The following TENM3 variants were observed in gnomAD, a reference collection of about 807,000 sequenced individuals.
TENM3 encodes teneurin transmembrane protein 3.
A neutral mutation model predicts 255.1 loss-of-function variants in TENM3; 63 were observed. The ratio of observed to expected loss-of-function variants is 0.25; its 90% CI spans 0.20 to 0.30. The LOEUF (loss-of-function observed/expected upper bound fraction) is 0.30, where lower values mean the gene tolerates loss of function less well. Among genes scored for constraint, TENM3 ranks in the 10% least tolerant of loss-of-function variants. The pLI is 1.00. For synonymous variants in TENM3, 1,306 were observed against 1,322.3 expected (o/e 0.99, Z 0.27); for missense variants, 2,929 against 3,461.1 (o/e 0.85, Z 3.86).
intron 12 of TENM3, among the ~76,000 whole-genome samples, chr4:182,707,116 TTAG>T (rs1377001054): frequency 6.6e-6 from 1 of 152,168 alleles, no homozygotes; most frequent in Non-Finnish European, 1.5e-5. Context: ...ATGGCATCTG[TTAG>T]TAGAAGTGAA....
the TENM3 span, chr4:181,975,164 G>A: frequency 1.4e-5 from 2 of 147,998 alleles, no homozygotes; most frequent in Non-Finnish European, 3.0e-5. Context: ...TTGAAACAGG[G>A]TCTCACTCTG....
At chr4:182,327,819 C>G (rs1763508319) in intron 2 of TENM3, among the ~76,000 whole-genome samples, 1 of 152,136 alleles carries the variant, frequency 6.6e-6, no homozygotes, top group African/African-American at 2.4e-5. Flanking sequence ...AAATTTATCC[C>G]ATCAGGTCTC....
intron 3 of TENM3, among the ~76,000 whole-genome samples, chr4:182,354,455 AGTGT>A (rs1765389931): frequency 6.6e-6 from 1 of 152,236 alleles, no homozygotes; most frequent in Non-Finnish European, 1.5e-5. Context: ...AGAAAAAATA[AGTGT>A]TAGAGCCATA....
chr4:182,140,654 C>A (rs1403756331), upstream of TENM3, among the ~76,000 whole-genome samples: 2 of 152,192 alleles, frequency 1.3e-5, no homozygotes, highest in Non-Finnish European at 2.9e-5. Context: ...GAAAGCCTCG[C>A]GTGTTAAAGG....
the TENM3 span, among the ~76,000 whole-genome samples, chr4:181,583,129 AT>A: frequency 4.5e-4 from 4 of 8,864 alleles, no homozygotes; most frequent in Admixed American, 1.7e-3. Flanking sequence ...CTTCTGTAGT[AT>A]TTTTTTTTTT....
chr4:181,701,466 C>G, the TENM3 span, among the ~76,000 whole-genome samples: 1 of 152,098 alleles, frequency 6.6e-6, no homozygotes, highest in Admixed American at 6.6e-5. Flanking sequence ...TCCAGAAAAC[C>G]CTGTAGTCAG....
At chr4:181,601,633 C>T in the TENM3 span, among the ~76,000 whole-genome samples, 1 of 152,102 alleles carries the variant, frequency 6.6e-6, no homozygotes, top group Admixed American at 6.5e-5. Context: ...TATTTCTGCT[C>T]AGCAATTCAA....
chr4:181,799,586 C>T, the TENM3 span, among the ~76,000 whole-genome samples: 1 of 152,196 alleles, frequency 6.6e-6, no homozygotes, highest in Non-Finnish European at 1.5e-5. Flanking sequence ...CAGAAAATAG[C>T]AGCAGACATG....
At chr4:181,948,512 T>G in the TENM3 span, among the ~76,000 whole-genome samples, 2 of 152,190 alleles carry the variant, frequency 1.3e-5, no homozygotes, top group East Asian at 3.9e-4. Flanking sequence ...ACCTCCCAGG[T>G]TCAAGAGATT....
chr4:182,496,054 G>A (rs918419666), intron 3 of TENM3, among the ~76,000 whole-genome samples: 4 of 152,128 alleles, frequency 2.6e-5, no homozygotes, highest in South Asian at 2.1e-4. Context: ...AGGAACTAAG[G>A]TATAGTAGCC....
At chr4:182,407,931 T>A (rs1769698381) in intron 3 of TENM3, among the ~76,000 whole-genome samples, 1 of 152,248 alleles carries the variant, frequency 6.6e-6, no homozygotes, top group African/African-American at 2.4e-5. Flanking sequence ...AAAATTGATT[T>A]GCACATAATT....
chr4:182,755,485 T>C, intron 22 of TENM3: 1 of 470,106 alleles, frequency 2.1e-6, no homozygotes, highest in Non-Finnish European at 3.7e-6. Context: ...GAGGCCACAG[T>C]GAGCTATGAT....
chr4:181,579,751 C>T, the TENM3 span, among the ~76,000 whole-genome samples: 1,605 of 152,088 alleles, frequency 0.011, 10 homozygotes, highest in Non-Finnish European at 0.018. Flanking sequence ...ATTCCTAAGC[C>T]AGAATTTCTG....
chr4:182,228,183 A>G (rs1385889315), intron 1 of TENM3, among the ~76,000 whole-genome samples: 1 of 151,874 alleles, frequency 6.6e-6, no homozygotes, highest in East Asian at 1.9e-4. Flanking sequence ...CACAGTTAAT[A>G]ATGTTGTATT....
chr4:181,567,467 C>A, the TENM3 span, among the ~76,000 whole-genome samples: 2 of 152,038 alleles, frequency 1.3e-5, no homozygotes, highest in African/African-American at 4.8e-5. Context: ...ATTTAATTAC[C>A]ACATCAGGCA....
chr4:182,784,130 C>T (rs1429413599), intron 24 of TENM3, among the ~76,000 whole-genome samples: 1 of 152,180 alleles, frequency 6.6e-6, no homozygotes, highest in Non-Finnish European at 1.5e-5. Context: ...GAGAGGCGCT[C>T]TGCTTTTTAG....
chr4:181,988,985 C>A, the TENM3 span, among the ~76,000 whole-genome samples: 1 of 152,072 alleles, frequency 6.6e-6, no homozygotes, highest in Non-Finnish European at 1.5e-5. Flanking sequence ...ACATCTTTGC[C>A]TTACCCTCTT....
At chr4:182,481,516 C>T (rs1015243259) in intron 3 of TENM3, among the ~76,000 whole-genome samples, 3 of 151,990 alleles carry the variant, frequency 2.0e-5, no homozygotes, top group Admixed American at 6.6e-5. Context: ...GATTATAGGC[C>T]GGGCACGGTG....
the TENM3 span, among the ~76,000 whole-genome samples, chr4:181,720,718 T>C: frequency 1.3e-5 from 2 of 152,204 alleles, no homozygotes; most frequent in East Asian, 3.9e-4. Context: ...TGAAAGCATA[T>C]TTGAATTTTT....
Sources: gnomAD v4.1 joint callset for allele counts (sites outside exome capture counted in the v4.1 genomes callset) on GRCh38, gnomAD v4.1.1 for gene constraint, MANE v1.5 for transcripts, NCBI Gene and HGNC (gene_info 2026-07-23, HGNC 2026-07-21) for gene names.